NFATC3: variants seen among roughly 807,000 people sequenced by gnomAD.
NFATC3 encodes nuclear factor of activated T-cells, cytoplasmic 3.
NFATC3 carries 46 observed loss-of-function variants against 98.6 expected under a neutral mutation model. That is an observed-to-expected ratio of 0.47 (90% CI 0.37 to 0.60). The LOEUF is 0.60. NFATC3 is among the 20% of genes least tolerant of loss of function. NFATC3 has a pLI of 0.00. For missense variants in NFATC3, 1,256 were observed against 1,295.5 expected (o/e 0.97, Z 0.47); for synonymous variants, 512 against 472.2 (o/e 1.08, Z -1.09).
chr16:68,195,117 T>C (rs1598563446), intron 9 of NFATC3, among the ~76,000 whole-genome samples: 1 of 148,198 alleles, frequency 6.7e-6, no homozygotes, highest in African/African-American at 2.5e-5. Context: ...AAAGCCAGCG[T>C]GGTGGTGGGT....
chr16:68,179,674 T>C (rs1327135074), intron 6 of NFATC3, among the ~76,000 whole-genome samples: 1 of 152,220 alleles, frequency 6.6e-6, no homozygotes. Flanking sequence ...CAGATAAGGC[T>C]GTCTCCAAAT....
chr16:68,157,190 TTC>T (rs1281967433), intron 3 of NFATC3, among the ~76,000 whole-genome samples: 1 of 151,584 alleles, frequency 6.6e-6, no homozygotes, highest in Non-Finnish European at 1.5e-5. Flanking sequence ...CACAAACACA[TTC>T]TCTCTCTCTG....
At chr16:68,148,621 G>T (rs2038157923) in intron 3 of NFATC3, among the ~76,000 whole-genome samples, 1 of 152,160 alleles carries the variant, frequency 6.6e-6, no homozygotes, top group African/African-American at 2.4e-5. Context: ...TGAGAACTCT[G>T]GAAAGGTTCA....
intron 1 of NFATC3, among the ~76,000 whole-genome samples, chr16:68,103,111 T>C (rs1280903930): frequency 6.6e-6 from 1 of 152,102 alleles, no homozygotes; most frequent in Non-Finnish European, 1.5e-5. Flanking sequence ...ACTAAAGCCT[T>C]ATCAGATCTA....
chr16:68,205,462 G>C (rs2041108096), intron 9 of NFATC3, among the ~76,000 whole-genome samples: 1 of 152,020 alleles, frequency 6.6e-6, no homozygotes, highest in Admixed American at 6.6e-5. Context: ...CGTTGCTCAG[G>C]TTGGTCTCGG....
intron 1 of NFATC3, among the ~76,000 whole-genome samples, chr16:68,100,398 C>T (rs1429087236): frequency 6.6e-6 from 1 of 152,010 alleles, no homozygotes; most frequent in Non-Finnish European, 1.5e-5. Context: ...CATGGTGAAA[C>T]CCCATCTCTA....
At chr16:68,199,218 T>A (rs980020740) in intron 9 of NFATC3, among the ~76,000 whole-genome samples, 52 of 149,592 alleles carry the variant, frequency 3.5e-4, no homozygotes, top group African/African-American at 5.8e-4. Context: ...CCTGTTTATT[T>A]TTTTTTTATT....
In NFATC3 at chr16:68,109,330, A is replaced by C. The variant is rs1296195534; in HGVS notation, c.104-12657A>C. Among the ~76,000 whole-genome samples the C allele has an allele frequency of 2.0e-5, 3 of 152,190 alleles. No homozygotes were observed. The East Asian group carries it at 5.8e-4, about 29-fold the overall frequency. On this transcript the variant is annotated intron_variant, in intron 1 of 9. Coordinates refer to ENST00000346183, the MANE Select transcript of NFATC3 (RefSeq NM_173165.3). ...GGCCTTTTCTGCATCTATTGAGATA[A>C]TCATGTGATTTTTGTCTTTAGTTCT... is the stretch of plus-strand genomic sequence containing the variant.
intron 9 of NFATC3, chr16:68,217,701 T>C (rs2041690774): frequency 2.4e-6 from 3 of 1,231,520 alleles, no homozygotes; most frequent in Non-Finnish European, 2.0e-6. Flanking sequence ...TTGTTCCTCT[T>C]TCTCCTTAGG....
chr16:68,186,337 A>G, intron 8 of NFATC3, among the ~76,000 whole-genome samples: 1 of 152,120 alleles, frequency 6.6e-6, no homozygotes, highest in Non-Finnish European at 1.5e-5. Context: ...GGAGATCAAG[A>G]TCATCCTGGC....
In NFATC3 at chr16:68,122,871, T is replaced by C. The variant is rs770296292; in HGVS notation, c.988T>C (p.Tyr330His). The change falls in exon 2 of 10, where the codon TAC becomes CAC. Residue 330 changes from tyrosine to histidine, a missense_variant. Transcript: ENST00000346183. ...GLGPAVFPFQ[Y>H]CVETDIPLKT... ...TGGCCCTGCAGTTTTTCCATTTCAG[T>C]ACTGTGTAGAGACTGACATCCCTCT... The C allele has an allele frequency of 4.7e-5, 76 of 1,614,132 alleles. No individual in the cohort carries two copies. Among genetic ancestry groups the C allele is most frequent in the Non-Finnish European group, 3.4e-6 (4 of 1,180,044 alleles).
At chr16:68,136,061 A>G (rs2037388622) in intron 3 of NFATC3, among the ~76,000 whole-genome samples, 1 of 152,028 alleles carries the variant, frequency 6.6e-6, no homozygotes, top group Non-Finnish European at 1.5e-5. Context: ...GAAACATTCC[A>G]TCTCAAAAAA....
chr16:68,221,478 T>G (rs1314794248), intron 9 of NFATC3: 1 of 1,293,818 alleles, frequency 7.7e-7, no homozygotes, highest in Non-Finnish European at 9.8e-7. Flanking sequence ...ATGATTTTTG[T>G]TGTCATTGTT....
intron 3 of NFATC3, among the ~76,000 whole-genome samples, chr16:68,133,708 A>G (rs2037236500): frequency 6.6e-6 from 1 of 152,184 alleles, no homozygotes; most frequent in African/African-American, 2.4e-5. Flanking sequence ...AACATCATGT[A>G]TTCAACATTA....
chr16:68,136,371 G>A (rs568697379), intron 3 of NFATC3, among the ~76,000 whole-genome samples: 5 of 152,082 alleles, frequency 3.3e-5, no homozygotes, highest in South Asian at 2.1e-4. Flanking sequence ...GGGCTCAAGC[G>A]ATCCTCTCCA....
chr16:68,112,220 G>C (rs920619294), intron 1 of NFATC3, among the ~76,000 whole-genome samples: 2 of 150,060 alleles, frequency 1.3e-5, no homozygotes, highest in African/African-American at 4.9e-5. Context: ...TTTCCGACTT[G>C]GATGCGATCT....
chr16:68,156,661 C>T (rs780663793), intron 3 of NFATC3, among the ~76,000 whole-genome samples: 9 of 152,108 alleles, frequency 5.9e-5, no homozygotes, highest in South Asian at 2.1e-4. Context: ...GCAAAACAGC[C>T]GGGCACAGTC....
At position 68,191,754 on chromosome 16, in the gene NFATC3, C is replaced by T; in HGVS notation, c.3085C>T (p.Gln1029Ter). The T allele has an allele frequency of 1.2e-6, 2 of 1,614,128 alleles. No homozygotes were observed. Among genetic ancestry groups the T allele is most frequent in the Non-Finnish European group, 1.7e-6 (2 of 1,180,024 alleles). Residue 1029 changes from glutamine (Q) to a stop codon, truncating the protein, a stop_gained, in exon 9 of 10, where the codon CAG (glutamine) becomes TAG (stop). Transcript: ENST00000346183. LOFTEE classifies it high-confidence loss of function. ...GCCTAACTTTGCAACCATTGGTCTG[C>T]AGGACATCACTTTAGATGATGGTAA... The part of the protein sequence containing the change: ...REPNFATIGL[Q>*]DITLDDVNEI...
At chr16:68,173,289 G>A (rs1035153213) in intron 5 of NFATC3, among the ~76,000 whole-genome samples, 1 of 151,466 alleles carries the variant, frequency 6.6e-6, no homozygotes, top group African/African-American at 2.4e-5. Flanking sequence ...AATATAGGCC[G>A]GGCGCGGTGG....
Sources: gnomAD v4.1 joint callset for allele counts (sites outside exome capture counted in the v4.1 genomes callset) on GRCh38, gnomAD v4.1.1 for gene constraint, MANE v1.5 for transcripts, NCBI Gene and HGNC (gene_info 2026-07-23, HGNC 2026-07-21) for gene names.